The following RREB1 variants were observed in gnomAD, a reference collection of about 807,000 sequenced individuals.
The protein encoded by RREB1 is ras-responsive element-binding protein 1.
In RREB1, 27 loss-of-function variants were observed where a neutral mutation model predicts 117.8. That is an observed-to-expected ratio of 0.23 (90% CI 0.17 to 0.32). The LOEUF is 0.32. RREB1 is among the 10% of genes least tolerant of loss of function. The probability of loss-of-function intolerance (pLI) is 1.00; values close to 1 mark genes in which losing one functional copy is unlikely to be tolerated. For synonymous variants in RREB1, 1,298 were observed against 1,026.7 expected, an observed-to-expected ratio of 1.26 and a Z score of -5.05; for missense variants, 2,577 against 2,378.2, an observed-to-expected ratio of 1.08 and a Z score of -1.74.
intron 10 of RREB1, among the ~76,000 whole-genome samples, chr6:7,232,245 G>A (rs781648996): frequency 6.6e-6 from 1 of 152,216 alleles, no homozygotes; most frequent in Non-Finnish European, 1.5e-5. Context: ...TATCTGCTGG[G>A]TTAAACAGGG....
intron 1 of RREB1, among the ~76,000 whole-genome samples, chr6:7,175,128 A>G (rs1764438108): frequency 6.6e-6 from 1 of 152,078 alleles, no homozygotes; most frequent in African/African-American, 2.4e-5. Context: ...TTTAAGCAAT[A>G]TTTAATTTCA....
At chr6:7,174,337 C>A (rs1764394189) in intron 1 of RREB1, among the ~76,000 whole-genome samples, 1 of 152,058 alleles carries the variant, frequency 6.6e-6, no homozygotes, top group Non-Finnish European at 1.5e-5. Context: ...ATATTCAAAT[C>A]ATTTACACCC....
chr6:7,141,663 G>C (rs1195240558), intron 1 of RREB1, among the ~76,000 whole-genome samples: 1 of 152,170 alleles, frequency 6.6e-6, no homozygotes, highest in Non-Finnish European at 1.5e-5. Context: ...TTTCATGATG[G>C]GTAGCTCCAA....
chr6:7,200,605 T>C (rs941905251), intron 6 of RREB1, among the ~76,000 whole-genome samples: 6 of 152,214 alleles, frequency 3.9e-5, no homozygotes, highest in African/African-American at 1.2e-4. Flanking sequence ...GAAAAACCTC[T>C]TGTGGCCGAT....
chr6:7,192,293 A>G (rs1561772614), intron 6 of RREB1, among the ~76,000 whole-genome samples: 1 of 151,680 alleles, frequency 6.6e-6, no homozygotes, highest in Non-Finnish European at 1.5e-5. Context: ...CCCGGTTTCA[A>G]GTGATTCTCC....
At chr6:7,140,237 G>T (rs554574878) in intron 1 of RREB1, among the ~76,000 whole-genome samples, 162 of 151,352 alleles carry the variant, frequency 1.1e-3, no homozygotes, top group Middle Eastern at 6.8e-3. Flanking sequence ...TTAAAACATG[G>T]TTTTTTTTTC....
At chr6:7,156,090 G>A (rs1763348799) in intron 1 of RREB1, among the ~76,000 whole-genome samples, 1 of 152,236 alleles carries the variant, frequency 6.6e-6, no homozygotes, top group Non-Finnish European at 1.5e-5. Flanking sequence ...TTTTCTGCAA[G>A]CCAGGGCTTA....
Position 7,229,380 on chromosome 6 carries a change from C to T in RREB1, c.1281C>T (p.Leu427=), listed in dbSNP as rs200496428. 9 of 1,614,148 alleles carry T rather than the reference C, an allele frequency of 5.6e-6. No homozygotes were observed. In the Admixed American group the frequency reaches 1.2e-4, roughly 21 times the overall value. The change falls in exon 10 of 13, where the codon CTC becomes CTT. Residue 427 remains leucine, a synonymous_variant. Transcript: ENST00000379938. This position sits in a 1 kb window ranked among gnomAD's most constrained non-coding sequence, Gnocchi z 4.5. Reference sequence around the variant, plus strand: ...CCCTAGGCGGTTCTCTCACAGTTCTCCCCGCGACCAAGGACAGCATAAAGC... The same window carrying T: ...CCCTAGGCGGTTCTCTCACAGTTCTTCCCGCGACCAAGGACAGCATAAAGC... The part of the protein sequence containing the change: ...AASLGGSLTV[L]PATKDSIKHL...
chr6:7,180,842 A>T (rs1015817758), intron 2 of RREB1, among the ~76,000 whole-genome samples: 10 of 152,204 alleles, frequency 6.6e-5, no homozygotes, highest in African/African-American at 1.9e-4. Context: ...AGAGAATTTG[A>T]TGCATGGGTA....
At position 7,231,153 on chromosome 6, in the gene RREB1, C is replaced by G; in HGVS notation, c.3054C>G (p.Ile1018Met). The G allele has an allele frequency of 6.2e-7, 1 of 1,612,562 alleles. No homozygotes were observed. The highest frequency in any genetic ancestry group is 8.5e-7 in the Non-Finnish European group (1 of 1,179,868). ...GCCCTGTTCAGCTGGCGGTCCCAAT[C>G]TACTCCTCAGCCCTGGTCAGCAGCC... ...LQGPVQLAVP[I>M]YSSALVSSPP... is the part of the protein sequence containing the mutation. The change falls in exon 10 of 13, where the codon ATC becomes ATG. Residue 1018 changes from isoleucine to methionine, a missense_variant. Ile to Met is a conservative substitution (Grantham distance 10). Transcript: ENST00000379938.
At chr6:7,149,275 AT>A (rs1763008933) in intron 1 of RREB1, among the ~76,000 whole-genome samples, 1 of 152,214 alleles carries the variant, frequency 6.6e-6, no homozygotes, top group South Asian at 2.1e-4. Flanking sequence ...AAAAGAATAT[AT>A]AAAATGTCAT....
rs745990582 is a variant in RREB1, at chr6:7,231,683, C to T, written c.3584C>T (p.Pro1195Leu). 6.2e-6 allele frequency: 10 copies of T among 1,611,966 alleles called. No individual in the cohort carries two copies. In the Admixed American group the frequency reaches 8.3e-5, roughly 13 times the overall value. The change falls in exon 10 of 13, where the codon CCG (proline) becomes CTG (leucine). Residue 1195 changes from proline (P) to leucine (L), a missense_variant. Physicochemically the swap from Pro to Leu is moderately conservative, Grantham distance 98. Coordinates refer to ENST00000379938, the MANE Select transcript of RREB1 (RefSeq NM_001003699.4). ...LATTDTNKFS[P>L]FLQTAEDNTQ... is the part of the protein sequence containing the mutation. Reference sequence around the variant, plus strand: ...ACCACAGACACCAACAAGTTCAGTCCGTTTCTGCAGACAGCGGAGGACAAC... The same window carrying T: ...ACCACAGACACCAACAAGTTCAGTCTGTTTCTGCAGACAGCGGAGGACAAC...
chr6:7,227,460 G>T (rs1767649094), intron 9 of RREB1, among the ~76,000 whole-genome samples: 1 of 151,812 alleles, frequency 6.6e-6, no homozygotes, highest in Non-Finnish European at 1.5e-5. Context: ...AGAATCGCTT[G>T]AACCCGGGAG....
chr6:7,236,691 C>T (rs1768339929), intron 10 of RREB1, among the ~76,000 whole-genome samples: 1 of 151,648 alleles, frequency 6.6e-6, no homozygotes, highest in African/African-American at 2.4e-5. Context: ...CCTTTCTAAC[C>T]CTGATTGTCT....
chr6:7,246,246 G>C (rs1483847639), intron 11 of RREB1, among the ~76,000 whole-genome samples, 178 bp from the exon 12 acceptor site: 1 of 152,172 alleles, frequency 6.6e-6, no homozygotes, highest in Non-Finnish European at 1.5e-5. Context: ...ACGTCCCCAG[G>C]GTCATCTTGG....
At chr6:7,217,612 G>C (rs1766979421) in intron 8 of RREB1, 1 of 152,244 alleles carries the variant, frequency 6.6e-6, no homozygotes, top group Non-Finnish European at 1.5e-5. Context: ...CCTCGGGCAA[G>C]TGCTGACTTG....
chr6:7,239,418 T>C (rs142991711), intron 10 of RREB1, among the ~76,000 whole-genome samples: 1 of 152,278 alleles, frequency 6.6e-6, no homozygotes, highest in African/African-American at 2.4e-5. Context: ...TCTCTTTTCC[T>C]CTCCACCTCC....
chr6:7,209,965 A>T (rs959500817), intron 6 of RREB1, among the ~76,000 whole-genome samples: 4 of 152,250 alleles, frequency 2.6e-5, no homozygotes, highest in African/African-American at 7.2e-5. Flanking sequence ...AATCATTTTT[A>T]TGTTGCAAAA....
At chr6:7,181,709 G>T (rs1411393014) in intron 3 of RREB1, 161 bp from the exon 4 acceptor site, 4 of 665,096 alleles carry the variant, frequency 6.0e-6, no homozygotes, top group Non-Finnish European at 1.1e-5. Flanking sequence ...TTAAATGAAA[G>T]CTTCCATCAC....
Sources: allele counts gnomAD v4.1 joint callset (sites outside exome capture counted in the v4.1 genomes callset), GRCh38; gene constraint gnomAD v4.1.1; non-coding constraint Gnocchi (gnomAD v3.1); transcripts MANE v1.5; gene names NCBI Gene and HGNC (gene_info 2026-07-23, HGNC 2026-07-21).